TIE1: variants seen among roughly 807,000 people sequenced by gnomAD.
The protein encoded by TIE1 is tyrosine kinase with immunoglobulin like and EGF like domains 1, also known as tyrosine-protein kinase receptor Tie-1.
A neutral mutation model predicts 130.5 loss-of-function variants in TIE1; 89 were observed. That is an observed-to-expected ratio of 0.68 (90% CI 0.57 to 0.81). TIE1 has a LOEUF of 0.81. Among genes scored for constraint, TIE1 ranks in the 40% least tolerant of loss-of-function variants. The probability of loss-of-function intolerance (pLI) is 0.00; values close to 1 mark genes in which losing one functional copy is unlikely to be tolerated. For missense variants in TIE1, 1,392 were observed against 1,559.8 expected (o/e 0.89, Z 1.81); for synonymous variants, 568 against 629.4 (o/e 0.90, Z 1.46).
At position 43,309,373 on chromosome 1, in the gene TIE1, C is replaced by T. The variant is rs757832714; in HGVS notation, c.1189-15C>T. On this transcript the variant is annotated splice_polypyrimidine_tract_variant and intron_variant, in intron 8 of 22. Transcript: ENST00000372476. The surrounding 1 kb of genome is among the most constrained non-coding windows in gnomAD (Gnocchi z 6.3). ...CCGTTCCCTGTGACCTGTCCCCTTC[C>T]CCCATCTCTTTTAGTCCACCAAGGC... 1 of 1,572,812 alleles carries T rather than the reference C, an allele frequency of 6.4e-7. No individual in the cohort carries two copies. The highest frequency in any genetic ancestry group is 2.2e-5 in the East Asian group (1 of 44,762).
chr1:43,321,176 G>A, intron 19 of TIE1, 93 bp from the exon 20 acceptor site: 3 of 1,321,778 alleles, frequency 2.3e-6, no homozygotes, highest in Non-Finnish European at 3.3e-6. Flanking sequence ...CATACAGCGG[G>A]GCTGGGAGGC....
chr1:43,319,610 T>A lies in TIE1; in HGVS notation c.3107+81T>A. ...CTGACCTAGACATATCTCAGAAATG[T>A]CATAGGTGGTCTAAGGCATGACCTG... On this transcript the variant is annotated intron_variant, in intron 19 of 22. Transcript: ENST00000372476. This position sits in a 1 kb window ranked among gnomAD's most constrained non-coding sequence, Gnocchi z 4.7. 1 of 1,419,676 alleles carries A rather than the reference T, an allele frequency of 7.0e-7. No individual in the cohort carries two copies. Among genetic ancestry groups the A allele is most frequent in the Non-Finnish European group, 1.0e-6 (1 of 1,004,608 alleles). 87.9% of individuals were successfully genotyped at this position (1,419,676 alleles called of 1,614,324 possible).
rs374315023 is a variant in TIE1, at chr1:43,302,237, T to C, written c.58+1108T>C. On this transcript the variant is annotated intron_variant, in intron 1 of 22. Transcript: ENST00000372476. ...GGCTGGCAACACCTAGTCTGTACAA[T>C]GAGATTAAATGATGCCAGCCTCCTA... 2.0e-5 allele frequency among the ~76,000 whole-genome samples: 3 copies of C among 152,318 alleles called. No homozygotes were observed. The East Asian group carries it at 5.8e-4, about 29-fold the overall frequency.
rs1203433690 is a variant in TIE1, at chr1:43,312,360, G to T, written c.1686G>T (p.Leu562=). The part of the protein sequence containing the change: ...EGWHVEGTDR[L]RVSWSLPLVP... ...GGCATGTGGAAGGCACTGACCGGCT[G>T]CGAGTGAGCTGGTCCTTGCCCTTGG... The change falls in exon 12 of 23, where the codon CTG becomes CTT. Residue 562 remains leucine (L), a synonymous_variant. Coordinates refer to ENST00000372476, the MANE Select transcript of TIE1 (RefSeq NM_005424.5). This position sits in a 1 kb window ranked among gnomAD's most constrained non-coding sequence, Gnocchi z 5.6. The T allele has an allele frequency of 1.3e-6, 2 of 1,581,558 alleles. No homozygotes were observed. Among genetic ancestry groups the T allele is most frequent in the Non-Finnish European group, 1.7e-6 (2 of 1,162,438 alleles).
In TIE1 at chr1:43,306,689, T is replaced by C. The variant is rs1646731061; in HGVS notation, c.485-151T>C. On this transcript the variant is annotated intron_variant, in intron 3 of 22. Coordinates refer to ENST00000372476, the MANE Select transcript of TIE1 (RefSeq NM_005424.5). This position sits in a 1 kb window ranked among gnomAD's most constrained non-coding sequence, Gnocchi z 4.9. ...ATGAAGAAGAGGGCACTTCTGAGCT[T>C]TCTGGCGTGGGCATAGGCTCTCGTG... 4.0e-6 allele frequency: 4 copies of C among 1,002,700 alleles called. No homozygotes were observed. Among genetic ancestry groups the C allele is most frequent in the Admixed American group, 4.8e-5 (2 of 41,392 alleles). 62.1% of individuals were successfully genotyped at this position (1,002,700 alleles called of 1,614,324 possible).
At chr1:43,311,915 G>A in intron 10 of TIE1, 79 bp from the exon 11 acceptor site, 1 of 1,571,398 alleles carries the variant, frequency 6.4e-7, no homozygotes, top group Non-Finnish European at 8.7e-7. Context: ...GGCAAATGGT[G>A]CGAGGGGGCT....
At chr1:43,303,721 C>T (rs932250818) in intron 1 of TIE1, among the ~76,000 whole-genome samples, 1 of 152,126 alleles carries the variant, frequency 6.6e-6, no homozygotes, top group Non-Finnish European at 1.5e-5. Context: ...CCTCCACCTG[C>T]CACAATATTG....
At position 43,312,217 on chromosome 1, in the gene TIE1, G is replaced by T. The variant is rs922591267; in HGVS notation, c.1630+86G>T. On this transcript the variant is annotated intron_variant, in intron 11 of 22. Coordinates refer to ENST00000372476, the MANE Select transcript of TIE1 (RefSeq NM_005424.5). The surrounding 1 kb of genome is among the most constrained non-coding windows in gnomAD (Gnocchi z 5.6). ...GGGACCCCTGCCTTTCCCACTGGAG[G>T]TTGTTCTTCCTTGTTCACTGGGGAT... 11 of 1,513,346 alleles carry T rather than the reference G, an allele frequency of 7.3e-6. No homozygotes were observed. In the Middle Eastern group the frequency reaches 1.2e-3, roughly 172 times the overall value. 93.7% of individuals were successfully genotyped at this position (1,513,346 alleles called of 1,614,324 possible).
intron 9 of TIE1, 130 bp from the exon 10 acceptor site, chr1:43,311,541 G>A: frequency 7.9e-7 from 1 of 1,265,540 alleles, no homozygotes; most frequent in Non-Finnish European, 1.1e-6. Context: ...TCCTCCCTGG[G>A]CCCTGGCCAC....
rs918464621 is a variant in TIE1, at chr1:43,319,060, G to A, written c.2923-175G>A. The stretch of plus-strand genomic sequence containing the variant: ...TCAGGGCCCAGGAACGAGCGGGTGA[G>A]AGCCAACACTGATCTTTCTCAGATA... On this transcript the variant is annotated intron_variant, in intron 17 of 22. Coordinates refer to ENST00000372476, the MANE Select transcript of TIE1 (RefSeq NM_005424.5). This position sits in a 1 kb window ranked among gnomAD's most constrained non-coding sequence, Gnocchi z 4.7. Among the ~76,000 whole-genome samples, 6 of 152,154 alleles carry A rather than the reference G, an allele frequency of 3.9e-5. No homozygotes were observed. Among genetic ancestry groups the A allele is most frequent in the Non-Finnish European group, 8.8e-5 (6 of 68,030 alleles).
rs1557445437 is a variant in TIE1, at chr1:43,309,936, G to C, written c.1333+404G>C. Among the ~76,000 whole-genome samples the C allele has an allele frequency of 6.6e-6, 1 of 152,122 alleles. No individual in the cohort carries two copies. The highest frequency in any genetic ancestry group is 1.5e-5 in the Non-Finnish European group (1 of 67,996). On this transcript the variant is annotated intron_variant, in intron 9 of 22. Transcript: ENST00000372476. The surrounding 1 kb of genome is among the most constrained non-coding windows in gnomAD (Gnocchi z 6.3). ...AGCATATGGGGCTATGGAGCTCAGA[G>C]GGTGACCAGCTTGGCTTCCTAGAAG...
At chr1:43,305,403 C>T in intron 3 of TIE1, 60 bp downstream of exon 3, 1 of 1,430,962 alleles carries the variant, frequency 7.0e-7, no homozygotes. Flanking sequence ...GGCCCCAACA[C>T]TTTCATGACC....
chr1:43,301,027 C>T lies in TIE1; in HGVS notation c.-45C>T, dbSNP rs763378112. On this transcript the variant is annotated 5_prime_UTR_variant, in exon 1 of 23. Transcript: ENST00000372476. Reference sequence around the variant, plus strand: ...AGCAGTCAGGCCCACAGCATCTGACCCCAGGCCCAGCTCGTCCTGGCTGGC... The same window carrying T: ...AGCAGTCAGGCCCACAGCATCTGACTCCAGGCCCAGCTCGTCCTGGCTGGC... 6.2e-7 allele frequency: 1 copy of T among 1,609,924 alleles called. No homozygotes were observed. Among genetic ancestry groups the T allele is most frequent in the South Asian group, 1.1e-5 (1 of 90,548 alleles).
At position 43,316,823 on chromosome 1, in the gene TIE1, G is replaced by A. The variant is rs886361127; in HGVS notation, c.2410-376G>A. 5.9e-5 allele frequency among the ~76,000 whole-genome samples: 9 copies of A among 152,144 alleles called. No homozygotes were observed. The highest frequency in any genetic ancestry group is 1.3e-4 in the Non-Finnish European group (9 of 68,018). On this transcript the variant is annotated intron_variant, in intron 14 of 22. Coordinates refer to ENST00000372476, the MANE Select transcript of TIE1 (RefSeq NM_005424.5). This position sits in a 1 kb window ranked among gnomAD's most constrained non-coding sequence, Gnocchi z 4.4. ...AGCACAGTCATAGGAAGCTCATTCC[G>A]ATCCTTTTCTGTTTTAAATGTTAGA...
At chr1:43,308,896 C>CAGA in intron 7 of TIE1, 90 bp from the exon 8 acceptor site, 1 of 1,572,172 alleles carries the variant, frequency 6.4e-7, no homozygotes, top group Non-Finnish European at 8.7e-7. Context: ...TAGATACCTC[C>CAGA]ACTGAGAAAC....
At position 43,317,096 on chromosome 1, in the gene TIE1, C is replaced by A; in HGVS notation, c.2410-103C>A. ...GGTGCCCTCCATCTGGGTCTCTGCC[C>A]ACTTGTCTGACACTGAAACCTCCTC... On this transcript the variant is annotated intron_variant, in intron 14 of 22. Transcript: ENST00000372476. The surrounding 1 kb of genome is among the most constrained non-coding windows in gnomAD (Gnocchi z 5.1). 1 of 1,238,924 alleles carries A rather than the reference C, an allele frequency of 8.1e-7. No individual in the cohort carries two copies. The highest frequency in any genetic ancestry group is 2.3e-5 in the East Asian group (1 of 42,692). The allele number at this position is 1,238,924 out of a possible 1,614,324, so 76.7% of individuals were successfully genotyped here.
In TIE1 at chr1:43,313,049, G is replaced by A. The variant is rs1026351292; in HGVS notation, c.1928-86G>A. The A allele has an allele frequency of 2.7e-6, 4 of 1,463,018 alleles. No homozygotes were observed. In the African/African-American group the frequency reaches 5.6e-5, roughly 21 times the overall value. The allele number at this position is 1,463,018 out of a possible 1,614,324, so 90.6% of individuals were successfully genotyped here. On this transcript the variant is annotated intron_variant, in intron 12 of 22. Transcript: ENST00000372476. This position sits in a 1 kb window ranked among gnomAD's most constrained non-coding sequence, Gnocchi z 6.2. ...CCTGTGCTTGGACCCACAGAGGAGG[G>A]AGCACAGCTAGAGCAGATGTGTCCA...
intron 14 of TIE1, chr1:43,314,325 T>C (rs950600834): frequency 8.9e-7 from 1 of 1,125,728 alleles, no homozygotes; most frequent in Non-Finnish European, 1.1e-6. Flanking sequence ...TAGGCCTAGA[T>C]AGCAAGGTGA....
In TIE1 at chr1:43,318,105, G is replaced by A; in HGVS notation, c.2922+33G>A. The A allele has an allele frequency of 6.6e-7, 1 of 1,516,076 alleles. No homozygotes were observed. The highest frequency in any genetic ancestry group is 2.2e-4 in the Middle Eastern group (1 of 4,520). The allele number at this position is 1,516,076 out of a possible 1,614,324, so 93.9% of individuals were successfully genotyped here. A position where few individuals can be genotyped will look rare whatever the true frequency, so the allele number is the denominator to read the frequency against. ...TGAGTGGGGGCGGGTGGAGGCCAGA[G>A]GGGGAAGCCACTGGGCTGGTGTCAG... On this transcript the variant is annotated intron_variant, in intron 17 of 22. Transcript: ENST00000372476. The surrounding 1 kb of genome is among the most constrained non-coding windows in gnomAD (Gnocchi z 4.4).
Sources: allele counts gnomAD v4.1 joint callset (sites outside exome capture counted in the v4.1 genomes callset), GRCh38; gene constraint gnomAD v4.1.1; non-coding constraint Gnocchi (gnomAD v3.1); transcripts MANE v1.5; gene names NCBI Gene and HGNC (gene_info 2026-07-23, HGNC 2026-07-21).